INTS10: variants seen among roughly 807,000 people sequenced by gnomAD.
INTS10 encodes integrator complex subunit 10.
Under a neutral mutation model 94.4 loss-of-function variants are expected in INTS10, and 44 were observed. That is an observed-to-expected ratio of 0.47 (90% CI 0.37 to 0.60). The LOEUF is 0.60. Ranked by LOEUF, INTS10 falls within the 20% of genes least tolerant of loss-of-function variation. The probability of loss-of-function intolerance (pLI) is 0.00; values close to 1 mark genes in which losing one functional copy is unlikely to be tolerated. For synonymous variants in INTS10, 341 were observed against 320.7 expected, an observed-to-expected ratio of 1.06 and a Z score of -0.68; for missense variants, 797 against 868.7, an observed-to-expected ratio of 0.92 and a Z score of 1.04.
At chr8:19,824,646 A>C in intron 7 of INTS10, 157 bp from the exon 8 acceptor site, 2 of 537,866 alleles carry the variant, frequency 3.7e-6, no homozygotes, top group Admixed American at 3.9e-5. Context: ...CTAATTCAGA[A>C]GGGAAAAGTT....
intron 10 of INTS10, among the ~76,000 whole-genome samples, 158 bp downstream of exon 10, chr8:19,830,717 G>A (rs1244139433): frequency 6.6e-6 from 1 of 151,994 alleles, no homozygotes; most frequent in Non-Finnish European, 1.5e-5. Flanking sequence ...TTTTCACCCA[G>A]GCCGGAGTAC....
At chr8:19,833,061 T>C in intron 11 of INTS10, 108 bp from the exon 12 acceptor site, 2 of 891,414 alleles carry the variant, frequency 2.2e-6, no homozygotes, top group Non-Finnish European at 3.3e-6. Context: ...AGCTACCGTC[T>C]TTGTATAGTT....
intron 1 of INTS10, 48 bp downstream of exon 1, chr8:19,817,714 T>C: frequency 6.4e-7 from 1 of 1,569,374 alleles, no homozygotes; most frequent in Admixed American, 1.8e-5. Flanking sequence ...AGGTGCGCGC[T>C]CCCGTCGCCC....
intron 12 of INTS10, among the ~76,000 whole-genome samples, chr8:19,833,750 A>G (rs1015015014): frequency 4.6e-5 from 7 of 152,216 alleles, no homozygotes; most frequent in African/African-American, 9.6e-5. Context: ...GCTCACACCT[A>G]TAATCCCAGG....
chr8:19,841,342 C>T (rs570319633), intron 13 of INTS10, among the ~76,000 whole-genome samples: 55 of 152,148 alleles, frequency 3.6e-4, no homozygotes, highest in Non-Finnish European at 7.1e-4. Flanking sequence ...AATTAAAATA[C>T]CAACAAAGGC....
At chr8:19,819,049 C>T (rs924759997) in intron 2 of INTS10, among the ~76,000 whole-genome samples, 1 of 152,166 alleles carries the variant, frequency 6.6e-6, no homozygotes, top group African/African-American at 2.4e-5. Flanking sequence ...AATTACTCTC[C>T]AAAATGTGCG....
At chr8:19,823,478 C>G in intron 6 of INTS10, 37 bp downstream of exon 6, 1 of 1,403,794 alleles carries the variant, frequency 7.1e-7, no homozygotes, top group Non-Finnish European at 1.0e-6. Flanking sequence ...CTTAAATAGG[C>G]TTTAGTAATA....
At chr8:19,817,853 GC>G (rs2066053734) in intron 1 of INTS10, among the ~76,000 whole-genome samples, 187 bp downstream of exon 1, 1 of 112,948 alleles carries the variant, frequency 8.9e-6, no homozygotes, top group South Asian at 3.3e-4. Context: ...CCTTTCACCC[GC>G]CTTGCTCCTA....
intron 9 of INTS10, among the ~76,000 whole-genome samples, chr8:19,829,220 A>G (rs1347833696): frequency 2.0e-5 from 3 of 152,230 alleles, no homozygotes; most frequent in African/African-American, 7.2e-5. Context: ...GTAGTTGCAC[A>G]TATTTTTAAA....
intron 5 of INTS10, among the ~76,000 whole-genome samples, 158 bp downstream of exon 5, chr8:19,822,678 G>A (rs1442848649): frequency 2.6e-5 from 4 of 151,976 alleles, no homozygotes; most frequent in Non-Finnish European, 5.9e-5. Context: ...TTAGCTGGGT[G>A]CGGTGGCTCA....
Position 19,843,439 on chromosome 8 carries a change from A to G in INTS10, c.1719+512A>G, listed in dbSNP as rs770385952. On this transcript the variant is annotated intron_variant, in intron 14 of 16. Transcript: ENST00000397977. This position sits in a 1 kb window ranked among gnomAD's most constrained non-coding sequence, Gnocchi z 4.7. ...AGCAGGGAGGCTTCATTGTTTCTGG[A>G]AGGTTTGTTGGCCAGAGAGTAAAAC... Among the ~76,000 whole-genome samples, 2 of 152,150 alleles carry G rather than the reference A, an allele frequency of 1.3e-5. No individual in the cohort carries two copies. Among genetic ancestry groups the G allele is most frequent in the Non-Finnish European group, 2.9e-5 (2 of 68,022 alleles).
In INTS10 at chr8:19,830,520, A is replaced by G. The variant is rs200560882; in HGVS notation, c.1255A>G (p.Ser419Gly). 28 of 1,614,082 alleles carry G rather than the reference A, an allele frequency of 1.7e-5. No individual in the cohort carries two copies. The highest frequency in any genetic ancestry group is 3.3e-4 in the Middle Eastern group (2 of 6,062). Reference protein sequence around the residue: ...VLESFKLARESWELLYSLEFL... With the variant: ...VLESFKLAREGWELLYSLEFL... ...AGAAAGCTTTAAATTGGCCAGGGAG[A>G]GCTGGGAGTTGCTCTATTCCCTAGA... Residue 419 changes from serine (S) to glycine (G), a missense_variant, in exon 10 of 17, where the codon AGC becomes GGC. By Grantham distance (56) the Ser-to-Gly change is moderately conservative. Transcript: ENST00000397977.
chr8:19,842,575 T>G (rs2068214801), intron 13 of INTS10, among the ~76,000 whole-genome samples: 2 of 152,236 alleles, frequency 1.3e-5, no homozygotes, highest in African/African-American at 4.8e-5. Context: ...TTATATTCTC[T>G]CTATATAACT....
chr8:19,833,836 C>T (rs2067435929), intron 12 of INTS10, among the ~76,000 whole-genome samples: 1 of 151,926 alleles, frequency 6.6e-6, no homozygotes. Context: ...GGTGAAACCC[C>T]ATCTCTATTA....
intron 15 of INTS10, 47 bp downstream of exon 15, chr8:19,844,285 G>C (rs762878632): frequency 1.5e-6 from 2 of 1,314,332 alleles, no homozygotes; most frequent in African/African-American, 2.9e-5. Flanking sequence ...ATTTTCTTTA[G>C]AATGAATACA....
chr8:19,830,225 GT>G lies in INTS10; in HGVS notation c.1141-180del, dbSNP rs562808842. 4.5e-3 allele frequency among the ~76,000 whole-genome samples: 513 copies of G among 115,036 alleles called. 1 individual carries two copies. Among genetic ancestry groups the G allele is most frequent in the South Asian group, 0.043 (145 of 3,372 alleles). The allele number at this position is 115,036 out of a possible 152,430, so 75.5% of individuals were successfully genotyped here. On this transcript the variant is annotated intron_variant, in intron 9 of 16. Transcript: ENST00000397977. The stretch of plus-strand genomic sequence containing the variant: ...AGAAGTAAAAATGGAATGTGTGAGA[GT>G]ATAAAGACAAAAAAAAATTAATTTT...
At chr8:19,845,854 A>C in intron 16 of INTS10, 57 bp downstream of exon 16, 1 of 1,226,820 alleles carries the variant, frequency 8.2e-7, no homozygotes, top group Admixed American at 1.7e-5. Context: ...GTGTCTTTGT[A>C]TGAAGTATTT....
chr8:19,830,176 C>T (rs1053877498), intron 9 of INTS10, among the ~76,000 whole-genome samples: 1 of 151,524 alleles, frequency 6.6e-6, no homozygotes, highest in African/African-American at 2.4e-5. Context: ...AATTTAACAT[C>T]AGAAAAAAAA....
intron 11 of INTS10, among the ~76,000 whole-genome samples, chr8:19,832,544 T>A (rs964837707): frequency 6.6e-6 from 1 of 152,292 alleles, no homozygotes; most frequent in Non-Finnish European, 1.5e-5. Context: ...CACCCCAGCC[T>A]GGGTGACAGT....
Sources: allele counts gnomAD v4.1 joint callset (sites outside exome capture counted in the v4.1 genomes callset), GRCh38; gene constraint gnomAD v4.1.1; non-coding constraint Gnocchi (gnomAD v3.1); transcripts MANE v1.5; gene names NCBI Gene and HGNC (gene_info 2026-07-23, HGNC 2026-07-21).